The following PDE3B variants were observed in gnomAD, a reference collection of about 807,000 sequenced individuals.
The protein encoded by PDE3B is phosphodiesterase 3B.
PDE3B carries 66 observed loss-of-function variants against 116.8 expected under a neutral mutation model. The ratio of observed to expected loss-of-function variants is 0.56; its 90% CI spans 0.46 to 0.69. PDE3B has a LOEUF of 0.69. Among genes scored for constraint, PDE3B ranks in the 30% least tolerant of loss-of-function variants. The pLI is 0.00. For missense variants in PDE3B, 1,384 were observed against 1,368.1 expected, an observed-to-expected ratio of 1.01 and a Z score of -0.18; for synonymous variants, 595 against 533.6, an observed-to-expected ratio of 1.12 and a Z score of -1.59.
rs1286303667 is a variant in PDE3B, at chr11:14,759,668, C to T, written c.979-12269C>T. On this transcript the variant is annotated intron_variant, in intron 1 of 15. Coordinates refer to ENST00000282096, the MANE Select transcript of PDE3B (RefSeq NM_000922.4). Reference sequence around the variant, plus strand: ...GGTTCAAGTGATTCTTCTGCCTCAGCTTCTAGAGTAGCTGGGACTACAGGT... The same window carrying T: ...GGTTCAAGTGATTCTTCTGCCTCAGTTTCTAGAGTAGCTGGGACTACAGGT... 2.0e-5 allele frequency among the ~76,000 whole-genome samples: 3 copies of T among 151,420 alleles called. No homozygotes were observed. The East Asian group carries it at 5.9e-4, about 30-fold the overall frequency.
intron 1 of PDE3B, among the ~76,000 whole-genome samples, chr11:14,707,435 T>TA (rs2133824209): frequency 6.6e-6 from 1 of 152,146 alleles, no homozygotes; most frequent in Admixed American, 6.5e-5. Flanking sequence ...CATCATTTCT[T>TA]ACTGAGTCTG....
At chr11:14,696,990 G>A (rs1855225496) in intron 1 of PDE3B, among the ~76,000 whole-genome samples, 1 of 152,026 alleles carries the variant, frequency 6.6e-6, no homozygotes, top group Admixed American at 6.6e-5. Flanking sequence ...AGGTTGGAGT[G>A]CAGTGGTGCA....
chr11:14,872,780 A>G (rs1047185648), downstream of PDE3B, among the ~76,000 whole-genome samples: 35 of 152,192 alleles, frequency 2.3e-4, no homozygotes, highest in Admixed American at 2.2e-3. Flanking sequence ...GGCCCTCTCT[A>G]TACAAGGGTT....
Position 14,789,198 on chromosome 11 carries a change from T to G in PDE3B, c.1371T>G (p.Asp457Glu). ...CTGTTGAACAGTCTTCAAGGTGGGA[T>G]CGTAATAATGGCAAAAGACCTCACC... is the stretch of plus-strand genomic sequence containing the variant. ...LLPVEQSSRW[D>E]RNNGKRPHQE... Residue 457 changes from aspartate to glutamate, a missense_variant, in exon 4 of 16, where the codon GAT (aspartate) becomes GAG (glutamate). By Grantham distance (45) the Asp-to-Glu change is conservative. Around this residue, in one of 2 missense-constraint regions of PDE3B, gnomAD observed 956 missense variants for 806.8 expected, o/e 1.18. Transcript: ENST00000282096. 1 of 1,610,602 alleles carries G rather than the reference T, an allele frequency of 6.2e-7. No homozygotes were observed. The highest frequency in any genetic ancestry group is 1.1e-5 in the South Asian group (1 of 90,828).
chr11:14,753,915 A>C (rs1463577055), intron 1 of PDE3B, among the ~76,000 whole-genome samples: 1 of 152,102 alleles, frequency 6.6e-6, no homozygotes, highest in Non-Finnish European at 1.5e-5. Flanking sequence ...ATTCCATACC[A>C]ATAAAATCTT....
rs556127800 is a variant in PDE3B at position 14,822,501 on chromosome 11, G to A, written c.1807+3292G>A. 1.1e-4 allele frequency among the ~76,000 whole-genome samples: 16 copies of A among 152,320 alleles called. No individual in the cohort carries two copies. The East Asian group carries it at 3.1e-3, about 29-fold the overall frequency. On this transcript the variant is annotated intron_variant, in intron 7 of 15. Transcript: ENST00000282096. Reference sequence around the variant, plus strand: ...ACCTGGGAGTGACACGGAGCCAGGGGAGCCTCCCTCGCCCAGGGAAGCATG... The same window carrying A: ...ACCTGGGAGTGACACGGAGCCAGGGAAGCCTCCCTCGCCCAGGGAAGCATG...
intron 2 of PDE3B, among the ~76,000 whole-genome samples, chr11:14,783,218 G>A (rs533513573): frequency 2.0e-5 from 3 of 152,144 alleles, no homozygotes; most frequent in Admixed American, 6.5e-5. Flanking sequence ...TGAAGGATCT[G>A]GAACTAGAAA....
chr11:14,863,901 G>A (rs1204466664), intron 14 of PDE3B, among the ~76,000 whole-genome samples: 9 of 152,170 alleles, frequency 5.9e-5, no homozygotes, highest in Admixed American at 3.3e-4. Flanking sequence ...ATCAACTAAC[G>A]GGCAAAATTA....
intron 2 of PDE3B, among the ~76,000 whole-genome samples, chr11:14,777,595 G>C (rs1857825863): frequency 6.6e-6 from 1 of 152,218 alleles, no homozygotes; most frequent in African/African-American, 2.4e-5. Context: ...GGAAGTGGCA[G>C]AACACTTTTG....
At chr11:14,855,739 T>C (rs1565166946) in intron 12 of PDE3B, among the ~76,000 whole-genome samples, 1 of 151,864 alleles carries the variant, frequency 6.6e-6, no homozygotes, top group Non-Finnish European at 1.5e-5. Flanking sequence ...ACTTAAGAGC[T>C]AGGAAATAAG....
chr11:14,685,241 C>T (rs1854836094), intron 1 of PDE3B, among the ~76,000 whole-genome samples: 1 of 152,004 alleles, frequency 6.6e-6, no homozygotes, highest in Non-Finnish European at 1.5e-5. Context: ...TTATGTTCCT[C>T]TGCCGCAGCT....
intron 7 of PDE3B, among the ~76,000 whole-genome samples, chr11:14,822,635 T>C (rs981225417): frequency 1.3e-5 from 2 of 152,198 alleles, no homozygotes; most frequent in African/African-American, 4.8e-5. Context: ...CAGTCTGATA[T>C]GCAGAGCTCT....
intron 1 of PDE3B, among the ~76,000 whole-genome samples, chr11:14,671,450 G>T (rs2133780922): frequency 6.6e-6 from 1 of 152,200 alleles, no homozygotes; most frequent in South Asian, 2.1e-4. Flanking sequence ...GAGAGTGGTG[G>T]GAGTGGTAAG....
intron 1 of PDE3B, among the ~76,000 whole-genome samples, chr11:14,659,488 A>C (rs914628272): frequency 1.3e-5 from 2 of 152,208 alleles, no homozygotes; most frequent in Non-Finnish European, 2.9e-5. Context: ...TTATTTAGCA[A>C]ACTCTGGAAA....
intron 1 of PDE3B, among the ~76,000 whole-genome samples, chr11:14,709,575 T>C (rs1187273744): frequency 6.6e-6 from 1 of 152,204 alleles, no homozygotes; most frequent in East Asian, 1.9e-4. Flanking sequence ...GTTTGAGTAC[T>C]TGGACCACCC....
At chr11:14,787,304 CTTGTT>C (rs1020846040) in intron 3 of PDE3B, among the ~76,000 whole-genome samples, 13 of 151,976 alleles carry the variant, frequency 8.6e-5, no homozygotes, top group Admixed American at 1.3e-4. Flanking sequence ...AGTGCTTTTA[CTTGTT>C]TTATTTGACT....
the PDE3B span, chr11:14,891,179 T>C: frequency 4.4e-5 from 43 of 985,208 alleles, no homozygotes; most frequent in Non-Finnish European, 5.1e-5. Flanking sequence ...CCTTTTCCGC[T>C]GCCAGTCACA....
the PDE3B span, chr11:14,890,303 C>A: frequency 1.7e-4 from 37 of 222,730 alleles, no homozygotes; most frequent in African/African-American, 8.7e-4. Context: ...CATTTTATTT[C>A]TCTAGAATAT....
intron 14 of PDE3B, among the ~76,000 whole-genome samples, chr11:14,866,579 C>T (rs148539721): frequency 6.6e-6 from 1 of 152,200 alleles, no homozygotes; most frequent in East Asian, 1.9e-4. Context: ...ACAATAATCT[C>T]GTAAAAGATT....
Sources: allele counts gnomAD v4.1 joint callset (sites outside exome capture counted in the v4.1 genomes callset), GRCh38; gene constraint gnomAD v4.1.1; regional missense constraint gnomAD v4.1.1; transcripts MANE v1.5; gene names NCBI Gene and HGNC (gene_info 2026-07-23, HGNC 2026-07-21).